Variants in TFCP2 observed in about 807,000 individuals in gnomAD.
The protein encoded by TFCP2 is alpha-globin transcription factor CP2.
Under a neutral mutation model 73.4 loss-of-function variants are expected in TFCP2, and 33 were observed. The ratio of observed to expected loss-of-function variants is 0.45; its 90% CI spans 0.34 to 0.60. The LOEUF (loss-of-function observed/expected upper bound fraction) is 0.60, where lower values mean the gene tolerates loss of function less well. Ranked by LOEUF, TFCP2 falls within the 20% of genes least tolerant of loss-of-function variation. The pLI, the probability that TFCP2 is intolerant of heterozygous loss-of-function variation, is 0.01. For missense variants in TFCP2, 352 were observed against 604.0 expected (o/e 0.58, Z 4.37); for synonymous variants, 193 against 211.6 (o/e 0.91, Z 0.76).
intron 1 of TFCP2, among the ~76,000 whole-genome samples, chr12:51,124,098 C>CT (rs11454676): frequency 0.81 from 121,388 of 150,072 alleles, 49,088 homozygotes; most frequent in African/African-American, 0.83. Flanking sequence ...AGCTACTTTT[C>CT]TTTTTTTTTT....
intron 1 of TFCP2, among the ~76,000 whole-genome samples, chr12:51,128,365 T>C (rs1032664263): frequency 6.6e-6 from 1 of 151,716 alleles, no homozygotes; most frequent in Non-Finnish European, 1.5e-5. Flanking sequence ...TTAGGAGATA[T>C]ACCTAATGCT....
intron 2 of TFCP2, among the ~76,000 whole-genome samples, chr12:51,118,332 A>C (rs148360817): frequency 0.018 from 2,733 of 152,292 alleles, 40 homozygotes; most frequent in Non-Finnish European, 0.027. Flanking sequence ...AGGCAGGCGG[A>C]TCATGAGGTC....
chr12:51,125,100 C>A (rs759724586), intron 1 of TFCP2: 7 of 753,648 alleles, frequency 9.3e-6, no homozygotes, highest in Non-Finnish European at 1.7e-5. Flanking sequence ...GGTGAAGATG[C>A]GAGGAAGCTG....
chr12:51,097,152 G>A (rs552103507), intron 13 of TFCP2, among the ~76,000 whole-genome samples: 31 of 152,062 alleles, frequency 2.0e-4, no homozygotes, highest in South Asian at 1.2e-3. Flanking sequence ...GTAGAGACAG[G>A]GTTTCTCTAT....
chr12:51,126,593 G>A (rs1047650794), intron 1 of TFCP2, among the ~76,000 whole-genome samples: 2 of 152,204 alleles, frequency 1.3e-5, no homozygotes, highest in African/African-American at 4.8e-5. Context: ...GGGAGAAGGA[G>A]AGGGTTGAAG....
At chr12:51,110,565 TC>T (rs1940375425) in intron 5 of TFCP2, among the ~76,000 whole-genome samples, 1 of 151,158 alleles carries the variant, frequency 6.6e-6, no homozygotes, top group Non-Finnish European at 1.5e-5. Flanking sequence ...CTAGACACTG[TC>T]CCCCCCCAAA....
intron 1 of TFCP2, among the ~76,000 whole-genome samples, chr12:51,157,592 C>T (rs1480677900): frequency 1.3e-5 from 2 of 152,000 alleles, no homozygotes; most frequent in Admixed American, 1.3e-4. Context: ...CCATGCCCAG[C>T]CTACCCTTTC....
At chr12:51,129,369 T>C (rs1940888886) in intron 1 of TFCP2, among the ~76,000 whole-genome samples, 1 of 151,768 alleles carries the variant, frequency 6.6e-6, no homozygotes, top group African/African-American at 2.4e-5. Context: ...AAAAATTAGC[T>C]GGTCATTTTG....
intron 1 of TFCP2, among the ~76,000 whole-genome samples, chr12:51,132,809 C>T (rs1476290155): frequency 3.3e-5 from 5 of 152,096 alleles, no homozygotes; most frequent in Non-Finnish European, 5.9e-5. Context: ...TGAGGCCACA[C>T]GGAAAGAGAG....
chr12:51,132,219 G>A (rs1940958494), intron 1 of TFCP2, among the ~76,000 whole-genome samples: 1 of 152,066 alleles, frequency 6.6e-6, no homozygotes, highest in African/African-American at 2.4e-5. Flanking sequence ...TCCAAAGACG[G>A]TCTCAGATGA....
At chr12:51,164,016 G>C (rs969564878) in intron 1 of TFCP2, among the ~76,000 whole-genome samples, 1 of 151,462 alleles carries the variant, frequency 6.6e-6, no homozygotes, top group East Asian at 2.0e-4. Context: ...GCCTGGGCAA[G>C]ACAGTGAGAC....
chr12:51,108,410 G>A (rs1173554201), intron 6 of TFCP2, among the ~76,000 whole-genome samples: 1 of 152,150 alleles, frequency 6.6e-6, no homozygotes, highest in Non-Finnish European at 1.5e-5. Context: ...GAATTTCAGT[G>A]TTGCTATGAA....
intron 1 of TFCP2, among the ~76,000 whole-genome samples, chr12:51,162,527 A>G (rs1387757052): frequency 1.3e-5 from 2 of 152,226 alleles, no homozygotes; most frequent in African/African-American, 4.8e-5. Flanking sequence ...GGCTAAACCA[A>G]CCTAATTAAT....
In TFCP2 at chr12:51,172,304, A is replaced by G; in HGVS notation, c.119T>C (p.Met40Thr). ...GQELGAGAYS[M>T]SDVLALPIFK... ...GGTCTGGGAAAATCTCACTCACCTC[A>G]TGCTATAGGCACCAGCACCCAGTTC... is the stretch of plus-strand genomic sequence containing the variant. Residue 40 changes from methionine to threonine, a missense_variant, in exon 1 of 15, where the codon ATG becomes ACG. Coordinates refer to ENST00000257915, the MANE Select transcript of TFCP2 (RefSeq NM_005653.5). 6.2e-7 allele frequency: 1 copy of G among 1,613,934 alleles called. No individual in the cohort carries two copies.
chr12:51,127,586 A>G (rs1239295009), intron 1 of TFCP2, among the ~76,000 whole-genome samples: 1 of 152,210 alleles, frequency 6.6e-6, no homozygotes, highest in Non-Finnish European at 1.5e-5. Context: ...TTTGATGTAA[A>G]AGGCGTATTA....
chr12:51,106,224 A>G lies in TFCP2; in HGVS notation c.917+301T>C, dbSNP rs1940236280. Among the ~76,000 whole-genome samples, 4 of 152,202 alleles carry G rather than the reference A, an allele frequency of 2.6e-5. No individual in the cohort carries two copies. In the South Asian group the frequency reaches 8.3e-4, roughly 32 times the overall value. On this transcript the variant is annotated intron_variant, in intron 8 of 14. Transcript: ENST00000257915. ...CCACAAGATGTGCAGTAATAGGGAG[A>G]GGCAAAAAGCCCAGATCATCAGTCC... is the stretch of plus-strand genomic sequence containing the variant.
intron 7 of TFCP2, 118 bp downstream of exon 7, chr12:51,107,118 C>T (rs1436265305): frequency 3.7e-6 from 3 of 802,948 alleles, no homozygotes; most frequent in Admixed American, 2.5e-5. Context: ...ACACAGAATC[C>T]ATGTGATACT....
intron 1 of TFCP2, among the ~76,000 whole-genome samples, chr12:51,167,738 T>C (rs1236667986): frequency 6.6e-6 from 1 of 151,948 alleles, no homozygotes; most frequent in Non-Finnish European, 1.5e-5. Context: ...TGCTGGAGGG[T>C]GGCACACTAA....
rs563882090 is a variant in TFCP2 at position 51,140,050 on chromosome 12, T to C, written c.123-21278A>G. On this transcript the variant is annotated intron_variant, in intron 1 of 14. Transcript: ENST00000257915. ...ATAGTAAGCAAATAAACTCATTTTA[T>C]CCAAGTTTTATCCTTGTTTATCAAC... 2.6e-5 allele frequency among the ~76,000 whole-genome samples: 4 copies of C among 152,332 alleles called. No homozygotes were observed. The South Asian group carries it at 6.2e-4, about 24-fold the overall frequency.
Sources: gnomAD v4.1 joint callset for allele counts (sites outside exome capture counted in the v4.1 genomes callset) on GRCh38, gnomAD v4.1.1 for gene constraint, MANE v1.5 for transcripts, NCBI Gene and HGNC (gene_info 2026-07-23, HGNC 2026-07-21) for gene names.